MORC1: variants seen among roughly 807,000 people sequenced by gnomAD.
MORC1 encodes MORC family CW-type zinc finger protein 1.
Under a neutral mutation model 134.9 loss-of-function variants are expected in MORC1, and 59 were observed. The observed-to-expected ratio is 0.44, with a 90% CI of 0.35 to 0.54. The LOEUF is 0.54. MORC1 is among the 20% of genes least tolerant of loss of function. The pLI, the probability that MORC1 is intolerant of heterozygous loss-of-function variation, is 0.00. For synonymous variants in MORC1, 395 were observed against 391.7 expected (o/e 1.01, Z -0.10); for missense variants, 947 against 1,134.5 (o/e 0.83, Z 2.37).
chr3:109,067,069 A>G (rs1411717172), intron 9 of MORC1, among the ~76,000 whole-genome samples: 3 of 152,218 alleles, frequency 2.0e-5, no homozygotes, highest in Non-Finnish European at 4.4e-5. Context: ...ATTCTGTTTC[A>G]GAAGCATAGT....
At chr3:109,081,191 C>T (rs933509221) in intron 8 of MORC1, among the ~76,000 whole-genome samples, 8 of 152,044 alleles carry the variant, frequency 5.3e-5, no homozygotes, top group Non-Finnish European at 2.9e-5. Flanking sequence ...AAAATGTTGA[C>T]AGATACAAGC....
chr3:109,095,593 T>G (rs1012901802), intron 6 of MORC1, among the ~76,000 whole-genome samples: 1 of 151,984 alleles, frequency 6.6e-6, no homozygotes, highest in African/African-American at 2.4e-5. Context: ...CTGGAAAGAG[T>G]AGAACAATGG....
At position 109,115,220 on chromosome 3, in the gene MORC1, C is replaced by A. The variant is rs546417762; in HGVS notation, c.66-783G>T. The stretch of plus-strand genomic sequence containing the variant: ...ATATTTAGTAAACAGGTAACAGAAG[C>A]AAGAGAGCCTCATTTATCAAAAATA... On this transcript the variant is annotated intron_variant, in intron 1 of 27. Transcript: ENST00000232603. Among the ~76,000 whole-genome samples the A allele has an allele frequency of 6.8e-4, 104 of 152,212 alleles. No homozygotes were observed. The South Asian group carries it at 7.7e-3, about 11-fold the overall frequency.
At chr3:109,049,793 A>T (rs34250587) in intron 14 of MORC1, among the ~76,000 whole-genome samples, 18,114 of 152,204 alleles carry the variant, frequency 0.12, 1,159 homozygotes, top group Non-Finnish European at 0.14. Context: ...TAAGATTCCA[A>T]CAACTCAAAA....
intron 14 of MORC1, among the ~76,000 whole-genome samples, chr3:109,040,439 A>G (rs188041997): frequency 0.021 from 1,946 of 92,948 alleles, 29 homozygotes; most frequent in African/African-American, 0.043. Context: ...AAAGAAAGAA[A>G]GAAAGAAAGA....
At position 109,092,580 on chromosome 3, in the gene MORC1, C is replaced by T. The variant is rs1380003258; in HGVS notation, c.689+856G>A. ...AAGACTTTGGATTTAAAAAAAAATA[C>T]AAAATATCATCAATATTTTTCATAT... On this transcript the variant is annotated intron_variant, in intron 8 of 27. Coordinates refer to ENST00000232603, the MANE Select transcript of MORC1 (RefSeq NM_014429.4). Among the ~76,000 whole-genome samples the T allele has an allele frequency of 4.6e-5, 7 of 152,072 alleles. No homozygotes were observed. In the East Asian group the frequency reaches 1.4e-3, roughly 29 times the overall value.
chr3:109,040,424 GAAGGAAAGAAAGA>G (rs1559912600), intron 14 of MORC1, among the ~76,000 whole-genome samples: 1 of 73,968 alleles, frequency 1.4e-5, no homozygotes, highest in African/African-American at 4.6e-5. Context: ...AGGAAGGAAG[GAAGGAAAGAAAGA>G]AAGAAAGAAA....
chr3:109,055,689 C>A (rs985865873), intron 13 of MORC1, among the ~76,000 whole-genome samples: 4 of 152,208 alleles, frequency 2.6e-5, no homozygotes, highest in African/African-American at 9.6e-5. Context: ...TTCATTCAAG[C>A]TCAGCACCAA....
At chr3:108,998,781 C>T (rs1056120685) in intron 21 of MORC1, among the ~76,000 whole-genome samples, 1 of 152,156 alleles carries the variant, frequency 6.6e-6, no homozygotes, top group Non-Finnish European at 1.5e-5. Context: ...GTTAATTAGA[C>T]ACCATGAGTA....
chr3:109,110,919 G>A (rs1464178325), intron 2 of MORC1, 136 bp from the exon 3 acceptor site: 11 of 565,516 alleles, frequency 1.9e-5, no homozygotes, highest in South Asian at 2.8e-5. Flanking sequence ...ACGTTTCACC[G>A]TGCTATTATA....
At chr3:108,959,777 G>A (rs1463681927) in intron 27 of MORC1, among the ~76,000 whole-genome samples, 3 of 152,118 alleles carry the variant, frequency 2.0e-5, no homozygotes, top group African/African-American at 4.8e-5. Context: ...CTCACACTAA[G>A]TTGTTATGAC....
At chr3:109,097,165 C>G (rs1040400162) in intron 6 of MORC1, among the ~76,000 whole-genome samples, 1 of 152,022 alleles carries the variant, frequency 6.6e-6, no homozygotes, top group Non-Finnish European at 1.5e-5. Context: ...TTATTTTGAC[C>G]TTCAAAGAGT....
intron 9 of MORC1, among the ~76,000 whole-genome samples, chr3:109,066,922 T>C (rs1950210612): frequency 6.6e-6 from 1 of 152,104 alleles, no homozygotes; most frequent in African/African-American, 2.4e-5. Flanking sequence ...TATCATACTG[T>C]AATAAAAGAT....
chr3:108,978,762 C>T (rs1947631740), intron 24 of MORC1, among the ~76,000 whole-genome samples: 1 of 152,120 alleles, frequency 6.6e-6, no homozygotes, highest in African/African-American at 2.4e-5. Context: ...GGAAAAATAC[C>T]ATTCCAGGTA....
chr3:109,098,101 G>A (rs929154913), intron 6 of MORC1, among the ~76,000 whole-genome samples: 1 of 151,902 alleles, frequency 6.6e-6, no homozygotes. Context: ...TTTTGAGACA[G>A]GGTCTCACTA....
At chr3:109,069,496 T>C (rs1950269918) in intron 9 of MORC1, 136 bp downstream of exon 9, 2 of 838,692 alleles carry the variant, frequency 2.4e-6, no homozygotes, top group African/African-American at 1.7e-5. Context: ...CATCCCTTCC[T>C]GGATGTGGTT....
At chr3:108,974,377 G>C (rs1030622005) in intron 24 of MORC1, among the ~76,000 whole-genome samples, 7 of 152,174 alleles carry the variant, frequency 4.6e-5, no homozygotes, top group African/African-American at 1.7e-4. Flanking sequence ...AATTACTTCA[G>C]TTTTATTGTC....
intron 16 of MORC1, among the ~76,000 whole-genome samples, chr3:109,028,240 C>CA (rs200756002): frequency 0.017 from 2,559 of 151,994 alleles, 72 homozygotes; most frequent in African/African-American, 0.058. Context: ...CATTTCCCCC[C>CA]CCAAAAAAGG....
At chr3:109,042,625 C>A (rs1244267780) in intron 14 of MORC1, among the ~76,000 whole-genome samples, 3 of 152,202 alleles carry the variant, frequency 2.0e-5, no homozygotes, top group Non-Finnish European at 1.5e-5. Flanking sequence ...GAGATACCTG[C>A]ACACCCATAT....
Sources: allele counts gnomAD v4.1 joint callset (sites outside exome capture counted in the v4.1 genomes callset), GRCh38; gene constraint gnomAD v4.1.1; transcripts MANE v1.5; gene names NCBI Gene and HGNC (gene_info 2026-07-23, HGNC 2026-07-21).